The following ABCA13 variants were observed in gnomAD, a reference collection of about 807,000 sequenced individuals.
ABCA13 encodes the protein ATP-binding cassette sub-family A member 13.
ABCA13 carries 476 observed loss-of-function variants against 478.7 expected under a neutral mutation model. The ratio of observed to expected loss-of-function variants is 0.99; its 90% CI spans 0.92 to 1.07. The LOEUF is 1.07. ABCA13 is among the 50% of genes least tolerant of loss of function. The pLI is 0.00. For missense variants in ABCA13, 6,060 were observed against 5,910.6 expected (o/e 1.03, Z -0.83); for synonymous variants, 2,252 against 2,158.9 (o/e 1.04, Z -1.20).
At chr7:48,232,137 G>GAATTTT (rs1428086164) in intron 7 of ABCA13, among the ~76,000 whole-genome samples, 1 of 20,146 alleles carries the variant, frequency 5.0e-5, no homozygotes, top group East Asian at 1.1e-3. Flanking sequence ...GACCCACATG[G>GAATTTT]AATTTTTTTT....
At position 48,587,303 on chromosome 7, in the gene ABCA13, G is replaced by A. The variant is rs779394657; in HGVS notation, c.14640+15G>A. ...TTCTTTTATTGGTGAGTAGAAGAAT[G>A]TCAATATCTTGGAGTAAGATACATA... is the stretch of plus-strand genomic sequence containing the variant. On this transcript the variant is annotated intron_variant, in intron 57 of 61. Transcript: ENST00000435803. The A allele has an allele frequency of 1.9e-6, 3 of 1,591,128 alleles. No homozygotes were observed. The highest frequency in any genetic ancestry group is 2.6e-6 in the Non-Finnish European group (3 of 1,167,170).
At chr7:48,382,145 A>T (rs1430441655) in intron 35 of ABCA13, among the ~76,000 whole-genome samples, 2 of 152,154 alleles carry the variant, frequency 1.3e-5, no homozygotes, top group African/African-American at 4.8e-5. Flanking sequence ...ACCTTAGTTC[A>T]GGCCTCACTG....
chr7:48,399,396 G>C (rs1432488781), intron 38 of ABCA13, among the ~76,000 whole-genome samples: 1 of 152,146 alleles, frequency 6.6e-6, no homozygotes, highest in Non-Finnish European at 1.5e-5. Flanking sequence ...TCTCCTGAGA[G>C]CACAGCAGGC....
At chr7:48,259,717 AGT>A (rs978605601) in intron 15 of ABCA13, among the ~76,000 whole-genome samples, 3 of 91,554 alleles carry the variant, frequency 3.3e-5, no homozygotes, top group African/African-American at 2.1e-4. Flanking sequence ...TATATACTTA[AGT>A]GTTTTTTTTT....
At chr7:48,568,086 T>C (rs1787259612) in intron 55 of ABCA13, among the ~76,000 whole-genome samples, 1 of 152,120 alleles carries the variant, frequency 6.6e-6, no homozygotes, top group Non-Finnish European at 1.5e-5. Context: ...TTCAGTGATT[T>C]TTACCATATT....
chr7:48,433,599 T>G (rs1822440475), intron 42 of ABCA13, among the ~76,000 whole-genome samples: 1 of 151,850 alleles, frequency 6.6e-6, no homozygotes, highest in South Asian at 2.1e-4. Flanking sequence ...TTCACATTAT[T>G]GTGCAACCAT....
At chr7:48,358,186 C>T (rs1810243836) in intron 31 of ABCA13, among the ~76,000 whole-genome samples, 2 of 129,544 alleles carry the variant, frequency 1.5e-5, no homozygotes, top group South Asian at 5.0e-4. Flanking sequence ...CAGGACAGGA[C>T]AGGACAGGAC....
intron 54 of ABCA13, among the ~76,000 whole-genome samples, chr7:48,525,293 A>G (rs10282413): frequency 0.16 from 25,000 of 152,012 alleles, 2,252 homozygotes; most frequent in East Asian, 0.29. Context: ...AAGACTGGCT[A>G]TGCAATCTTA....
intron 41 of ABCA13, among the ~76,000 whole-genome samples, chr7:48,412,816 T>TTTTTG (rs963156740): frequency 2.0e-5 from 3 of 149,478 alleles, no homozygotes; most frequent in Non-Finnish European, 3.0e-5. Flanking sequence ...GCATTCTTTT[T>TTTTTG]TTTTGTTTTG....
intron 43 of ABCA13, among the ~76,000 whole-genome samples, chr7:48,456,154 G>T (rs1825650888): frequency 6.6e-6 from 1 of 152,228 alleles, no homozygotes; most frequent in South Asian, 2.1e-4. Context: ...AACTGCACAA[G>T]CATACTGGCT....
intron 1 of ABCA13, among the ~76,000 whole-genome samples, chr7:48,171,819 C>T (rs558178898): frequency 1.3e-5 from 2 of 152,310 alleles, no homozygotes; most frequent in East Asian, 3.9e-4. Flanking sequence ...AACAAAAAAG[C>T]AGGTGGAATT....
At chr7:48,596,410 C>T (rs912786965) in intron 58 of ABCA13, among the ~76,000 whole-genome samples, 4 of 152,118 alleles carry the variant, frequency 2.6e-5, no homozygotes, top group African/African-American at 9.7e-5. Flanking sequence ...GTATGGAATT[C>T]TATGATTCTT....
chr7:48,292,056 A>G (rs1562981276), intron 20 of ABCA13, among the ~76,000 whole-genome samples: 1 of 152,098 alleles, frequency 6.6e-6, no homozygotes, highest in Non-Finnish European at 1.5e-5. Context: ...TTCATTTGCA[A>G]CCTAAAAATC....
chr7:48,231,229 A>C (rs1245719834), intron 7 of ABCA13, among the ~76,000 whole-genome samples: 1 of 152,128 alleles, frequency 6.6e-6, no homozygotes, highest in Non-Finnish European at 1.5e-5. Flanking sequence ...AAGGAGAGAG[A>C]TATGTCAATA....
intron 59 of ABCA13, among the ~76,000 whole-genome samples, chr7:48,615,836 G>A (rs1296982488): frequency 6.6e-6 from 1 of 152,162 alleles, no homozygotes; most frequent in African/African-American, 2.4e-5. Flanking sequence ...GTAGGAGAGG[G>A]TTGTTATGGT....
chr7:48,507,519 C>G (rs1831317798), intron 49 of ABCA13, among the ~76,000 whole-genome samples: 1 of 152,078 alleles, frequency 6.6e-6, no homozygotes, highest in Admixed American at 6.5e-5. Flanking sequence ...GCAAAGCAGT[C>G]CCTGTGTGGG....
chr7:48,607,685 T>G (rs1791608640), intron 58 of ABCA13, among the ~76,000 whole-genome samples: 1 of 152,158 alleles, frequency 6.6e-6, no homozygotes, highest in South Asian at 2.1e-4. Flanking sequence ...CCTTAAAAAT[T>G]TATATTGAGA....
At chr7:48,509,605 G>C (rs180989203) in intron 50 of ABCA13, among the ~76,000 whole-genome samples, 2 of 152,000 alleles carry the variant, frequency 1.3e-5, no homozygotes, top group Admixed American at 6.6e-5. Flanking sequence ...GGACAGGAAG[G>C]GTTTCTTGCT....
intron 23 of ABCA13, among the ~76,000 whole-genome samples, chr7:48,303,542 T>C (rs1584741048): frequency 6.6e-6 from 1 of 152,310 alleles, no homozygotes; most frequent in East Asian, 1.9e-4. Context: ...AGTTTCAATC[T>C]TCTGCACATG....
Sources: allele counts gnomAD v4.1 joint callset (sites outside exome capture counted in the v4.1 genomes callset), GRCh38; gene constraint gnomAD v4.1.1; transcripts MANE v1.5; gene names NCBI Gene and HGNC (gene_info 2026-07-23, HGNC 2026-07-21).